Variants in POLD3 observed in about 807,000 individuals in gnomAD.
POLD3 encodes the protein DNA polymerase delta subunit 3.
Under a neutral mutation model 58.2 loss-of-function variants are expected in POLD3, and 19 were observed. The ratio of observed to expected loss-of-function variants is 0.33; its 90% confidence interval spans 0.23 to 0.48. The LOEUF is 0.48. Among genes scored for constraint, POLD3 ranks in the 20% least tolerant of loss-of-function variants. The pLI is 0.99. For missense variants in POLD3, 504 were observed against 545.5 expected (o/e 0.92, Z 0.76); for synonymous variants, 172 against 193.5 (o/e 0.89, Z 0.92).
chr11:74,611,865 CAAGTT>C (rs2031924713), intron 4 of POLD3, among the ~76,000 whole-genome samples: 1 of 152,130 alleles, frequency 6.6e-6, no homozygotes, highest in Non-Finnish European at 1.5e-5. Flanking sequence ...TTTTAGGAAA[CAAGTT>C]AAAGAATGCT....
intron 8 of POLD3, among the ~76,000 whole-genome samples, chr11:74,627,125 G>A (rs535913797): frequency 2.0e-5 from 3 of 152,204 alleles, no homozygotes; most frequent in Admixed American, 1.3e-4. Context: ...AGAAGGCATT[G>A]TTATCATAAG....
chr11:74,657,072 T>C (rs2033146033), intron 4 of POLD3, among the ~76,000 whole-genome samples: 1 of 152,168 alleles, frequency 6.6e-6, no homozygotes, highest in South Asian at 2.1e-4. Context: ...TCTTGCAGTC[T>C]ATTTTGTCTG....
downstream of POLD3, among the ~76,000 whole-genome samples, chr11:74,647,361 T>C (rs1223492540): frequency 6.6e-6 from 1 of 152,244 alleles, no homozygotes; most frequent in Non-Finnish European, 1.5e-5. Context: ...GTGTTCTATA[T>C]GTATTTATAT....
At chr11:74,600,966 G>A (rs987913607) in intron 2 of POLD3, among the ~76,000 whole-genome samples, 1 of 152,064 alleles carries the variant, frequency 6.6e-6, no homozygotes, top group East Asian at 1.9e-4. Context: ...TGATCTGCCT[G>A]CCTTGGCCTC....
intron 4 of POLD3, among the ~76,000 whole-genome samples, chr11:74,667,536 A>G (rs1447543309): frequency 1.3e-5 from 2 of 152,100 alleles, no homozygotes; most frequent in Non-Finnish European, 2.9e-5. Flanking sequence ...TCTCAAAAAA[A>G]AGGTAAATTT....
intron 11 of POLD3, 51 bp from the exon 12 acceptor site, chr11:74,640,513 A>C (rs753647691): frequency 1.4e-6 from 2 of 1,452,160 alleles, no homozygotes; most frequent in Admixed American, 5.1e-5. Context: ...TTTTCTTCAT[A>C]GAGTAAATGA....
intron 4 of POLD3, among the ~76,000 whole-genome samples, chr11:74,667,484 C>G (rs1591332978): frequency 1.3e-5 from 2 of 152,090 alleles, no homozygotes; most frequent in Admixed American, 6.5e-5. Context: ...GAGCCGAGAT[C>G]GCGCCACTGC....
chr11:74,653,350 A>G (rs1002041685), intron 4 of POLD3, among the ~76,000 whole-genome samples: 4 of 50,282 alleles, frequency 8.0e-5, no homozygotes, highest in Non-Finnish European at 1.7e-4. Flanking sequence ...GGTCCATAAC[A>G]TAAGTAGAAA....
In POLD3 at chr11:74,617,407, TG is replaced by T. The variant is rs372375205; in HGVS notation, c.393-1129del. ...GCTTCCAGCTTCTCCCATTTTTTTTTGTTTTTCATTTTGAGACAGAGTATTG... is the reference window on the plus strand; with the variant it reads ...GCTTCCAGCTTCTCCCATTTTTTTTTTTTTTCATTTTGAGACAGAGTATTG... On this transcript the variant is annotated intron_variant, in intron 5 of 11. Transcript: ENST00000263681. Among the ~76,000 whole-genome samples the T allele has an allele frequency of 3.9e-4, 59 of 152,312 alleles. No individual in the cohort carries two copies. In the East Asian group the frequency reaches 6.6e-3, roughly 17 times the overall value.
At chr11:74,605,905 G>A (rs779977068) in intron 3 of POLD3, among the ~76,000 whole-genome samples, 15 of 152,060 alleles carry the variant, frequency 9.9e-5, no homozygotes, top group Non-Finnish European at 1.9e-4. Flanking sequence ...GCAACCTAGC[G>A]AAACCCCATC....
At chr11:74,607,244 ATATTTATT>A (rs376369916) in intron 3 of POLD3, among the ~76,000 whole-genome samples, 31 of 123,432 alleles carry the variant, frequency 2.5e-4, no homozygotes, top group East Asian at 9.0e-4. Flanking sequence ...TTATTATTAT[ATATTTATT>A]TATTTATTTA....
chr11:74,665,330 A>G (rs1432217179), intron 4 of POLD3, among the ~76,000 whole-genome samples: 3 of 150,080 alleles, frequency 2.0e-5, no homozygotes, highest in Non-Finnish European at 4.4e-5. Context: ...TCTCAAAAAA[A>G]AAAAAAATGA....
intron 8 of POLD3, among the ~76,000 whole-genome samples, chr11:74,627,620 G>A (rs763496398): frequency 3.9e-5 from 6 of 152,208 alleles, no homozygotes; most frequent in Non-Finnish European, 5.9e-5. Context: ...AGCCCCATTC[G>A]TGGTAAGTGC....
At position 74,612,862 on chromosome 11, in the gene POLD3, T is replaced by C. The variant is rs2031959542; in HGVS notation, c.260-16T>C. 1 of 1,601,046 alleles carries C rather than the reference T, an allele frequency of 6.2e-7. No homozygotes were observed. Among genetic ancestry groups the C allele is most frequent in the Admixed American group, 1.8e-5 (1 of 56,412 alleles). On this transcript the variant is annotated splice_polypyrimidine_tract_variant and intron_variant, in intron 4 of 11. Coordinates refer to ENST00000263681, the MANE Select transcript of POLD3 (RefSeq NM_006591.3). ...AGTTTGTGTATTAACTGACTGCTTT[T>C]CCTGTTGACTTGTAGCAGTGAAGTC...
intron 3 of POLD3, among the ~76,000 whole-genome samples, chr11:74,606,572 T>C (rs1384076276): frequency 2.0e-5 from 3 of 152,216 alleles, no homozygotes; most frequent in Non-Finnish European, 4.4e-5. Flanking sequence ...ATGGATCTTC[T>C]GGAATAGGAT....
chr11:74,667,228 A>G (rs180926035), intron 4 of POLD3, among the ~76,000 whole-genome samples: 38 of 152,354 alleles, frequency 2.5e-4, no homozygotes, highest in Admixed American at 9.1e-4. Flanking sequence ...TCTTAACACT[A>G]CTGAACTGTA....
intron 4 of POLD3, among the ~76,000 whole-genome samples, chr11:74,611,987 G>T (rs1031135703): frequency 1.3e-5 from 2 of 152,260 alleles, no homozygotes; most frequent in East Asian, 3.9e-4. Flanking sequence ...CAATTCAAAG[G>T]AATTTAATAA....
At chr11:74,604,575 G>T in intron 2 of POLD3, 117 bp from the exon 3 acceptor site, 1 of 640,200 alleles carries the variant, frequency 1.6e-6, no homozygotes, top group Non-Finnish European at 2.8e-6. Context: ...AAATGCTACT[G>T]TTCAGAAAAT....
In POLD3 at chr11:74,629,268, G is replaced by A. The variant is rs748891107; in HGVS notation, c.951G>A (p.Met317Ile). The A allele has an allele frequency of 1.9e-6, 3 of 1,608,636 alleles. No homozygotes were observed. Among genetic ancestry groups the A allele is most frequent in the African/African-American group, 1.3e-5 (1 of 74,390 alleles). The change falls in exon 9 of 12, where the codon ATG becomes ATA. Residue 317 changes from methionine (M) to isoleucine (I), a missense_variant. Physicochemically the swap from Met to Ile is conservative, Grantham distance 10 (BLOSUM62 1). Coordinates refer to ENST00000263681, the MANE Select transcript of POLD3 (RefSeq NM_006591.3). Reference sequence around the variant, plus strand: ...ATGAGACAAAGGAAACTGAAAACATGAGGAAAAAGAGGAGAAGAATCAAAC... The same window carrying A: ...ATGAGACAAAGGAAACTGAAAACATAAGGAAAAAGAGGAGAAGAATCAAAC... The part of the protein sequence containing the change: ...SDDETKETEN[M>I]RKKRRRIKLP...
Sources: allele counts gnomAD v4.1 joint callset (sites outside exome capture counted in the v4.1 genomes callset), GRCh38; gene constraint gnomAD v4.1.1; transcripts MANE v1.5; gene names NCBI Gene and HGNC (gene_info 2026-07-23, HGNC 2026-07-21).